GNAQ: variants seen among roughly 807,000 people sequenced by gnomAD.
The protein encoded by GNAQ is guanine nucleotide-binding protein G(q) subunit alpha.
GNAQ carries 8 observed loss-of-function variants against 43.9 expected under a neutral mutation model. The ratio of observed to expected loss-of-function variants is 0.18; its 90% CI spans 0.11 to 0.33. The LOEUF (loss-of-function observed/expected upper bound fraction) is 0.33. Among genes scored for constraint, GNAQ ranks in the 10% least tolerant of loss-of-function variants. The probability of loss-of-function intolerance (pLI) is 1.00; values close to 1 mark genes in which losing one functional copy is unlikely to be tolerated. For synonymous variants in GNAQ, 155 were observed against 170.7 expected (o/e 0.91, Z 0.71); for missense variants, 158 against 450.8 (o/e 0.35, Z 5.88).
intron 2 of GNAQ, among the ~76,000 whole-genome samples, chr9:77,838,440 C>T (rs1197390461): frequency 1.3e-5 from 2 of 152,012 alleles, no homozygotes; most frequent in African/African-American, 4.8e-5. Flanking sequence ...CCACGCCCAG[C>T]CAAGATCCTT....
chr9:77,753,841 A>T (rs900574030), intron 5 of GNAQ, among the ~76,000 whole-genome samples: 1 of 96,516 alleles, frequency 1.0e-5, no homozygotes, highest in African/African-American at 2.6e-5. Flanking sequence ...TACTTGAATT[A>T]ATTAAAAAGC....
At position 77,717,404 on chromosome 9, in the gene GNAQ, A is replaced by G. The variant is rs1825242041; in HGVS notation, c.*3919T>C. The G allele has an allele frequency of 2.2e-5, 5 of 232,420 alleles. No homozygotes were observed. In the East Asian group the frequency reaches 3.1e-4, roughly 14 times the overall value. 14.4% of individuals were successfully genotyped at this position (232,420 alleles called of 1,614,324 possible). A position where few individuals can be genotyped will look rare whatever the true frequency, so the allele number is the denominator to read the frequency against. On this transcript the variant is annotated 3_prime_UTR_variant, in exon 7 of 7. Transcript: ENST00000286548. ...TATTTCATTTCATTCGTTTTGAGAA[A>G]CTGAAAACAAAGGGAAATCAAGGGT...
intron 1 of GNAQ, among the ~76,000 whole-genome samples, chr9:77,929,737 G>A (rs1829122104): frequency 6.6e-6 from 1 of 152,102 alleles, no homozygotes; most frequent in Non-Finnish European, 1.5e-5. Flanking sequence ...GGCTGAGATG[G>A]AAGAATCAAT....
chr9:77,832,825 G>C (rs921922064), intron 2 of GNAQ, among the ~76,000 whole-genome samples: 5 of 152,240 alleles, frequency 3.3e-5, no homozygotes, highest in South Asian at 2.1e-4. Context: ...AAGAGGAGAG[G>C]GGGGAGCTAC....
At chr9:77,827,561 A>AT (rs1827218890) in intron 2 of GNAQ, among the ~76,000 whole-genome samples, 1 of 152,098 alleles carries the variant, frequency 6.6e-6, no homozygotes, top group South Asian at 2.1e-4. Flanking sequence ...CCAGTGTCTG[A>AT]TAACATTCTG....
intron 4 of GNAQ, among the ~76,000 whole-genome samples, chr9:77,796,778 T>TG (rs924087372): frequency 3.3e-5 from 5 of 152,210 alleles, no homozygotes; most frequent in Admixed American, 2.6e-4. Context: ...CCAGAGGACG[T>TG]GGGGAAAACA....
chr9:78,004,638 T>C (rs891702452), intron 1 of GNAQ, among the ~76,000 whole-genome samples: 3 of 152,088 alleles, frequency 2.0e-5, no homozygotes, highest in Non-Finnish European at 2.9e-5. Context: ...ACTTCTCCAC[T>C]TGCATACCAA....
At chr9:77,875,187 C>G (rs1031030545) in intron 2 of GNAQ, among the ~76,000 whole-genome samples, 2 of 152,150 alleles carry the variant, frequency 1.3e-5, no homozygotes, top group Non-Finnish European at 2.9e-5. Context: ...TAAAGATGGT[C>G]GGCTGGTTAC....
intron 2 of GNAQ, among the ~76,000 whole-genome samples, chr9:77,911,009 C>A (rs1167906686): frequency 6.6e-6 from 1 of 152,138 alleles, no homozygotes; most frequent in Non-Finnish European, 1.5e-5. Flanking sequence ...CAGAGTAGAA[C>A]CATATGTCAA....
rs112687696 is a variant in GNAQ, at chr9:78,027,615, G to C, written c.136+3485C>G. Among the ~76,000 whole-genome samples the C allele has an allele frequency of 5.0e-3, 764 of 152,136 alleles. 5 individuals are homozygous for C. Among genetic ancestry groups the C allele is most frequent in the African/African-American group, 0.017 (702 of 41,502 alleles). Reference sequence around the variant, plus strand: ...AATGCAAAAAAAATAGCCGGGCGTGGTGGTGCATGCCTGTAATCCAAGCTA... The same window carrying C: ...AATGCAAAAAAAATAGCCGGGCGTGCTGGTGCATGCCTGTAATCCAAGCTA... On this transcript the variant is annotated intron_variant, in intron 1 of 6. Transcript: ENST00000286548.
chr9:77,845,440 T>C (rs920561819), intron 2 of GNAQ, among the ~76,000 whole-genome samples: 4 of 152,196 alleles, frequency 2.6e-5, no homozygotes, highest in South Asian at 2.1e-4. Context: ...GTAGGTTACA[T>C]TGGTAAATAT....
chr9:77,929,184 C>T lies in GNAQ; in HGVS notation c.137-6839G>A, dbSNP rs2118299498. 2.0e-5 allele frequency among the ~76,000 whole-genome samples: 3 copies of T among 152,228 alleles called. No homozygotes were observed. In the East Asian group the frequency reaches 5.8e-4, roughly 29 times the overall value. ...TTGAGCCAATCTGCTCAACTTATTCCTATTCTTTCCCCTAAGAGTACATGT... is the reference window on the plus strand; with the variant it reads ...TTGAGCCAATCTGCTCAACTTATTCTTATTCTTTCCCCTAAGAGTACATGT... On this transcript the variant is annotated intron_variant, in intron 1 of 6. Coordinates refer to ENST00000286548, the MANE Select transcript of GNAQ (RefSeq NM_002072.5).
intron 2 of GNAQ, among the ~76,000 whole-genome samples, chr9:77,858,747 A>G (rs1489614892): frequency 6.6e-6 from 1 of 151,892 alleles, no homozygotes; most frequent in Non-Finnish European, 1.5e-5. Flanking sequence ...TTCCATGCCC[A>G]GCCCACTACT....
At chr9:77,773,581 T>C (rs550578042) in intron 5 of GNAQ, among the ~76,000 whole-genome samples, 1 of 152,384 alleles carries the variant, frequency 6.6e-6, no homozygotes, top group East Asian at 1.9e-4. Context: ...TATTTCCCTG[T>C]TGTCTCTTCA....
At chr9:77,961,822 G>C (rs1823110331) in intron 1 of GNAQ, among the ~76,000 whole-genome samples, 1 of 152,050 alleles carries the variant, frequency 6.6e-6, no homozygotes, top group Non-Finnish European at 1.5e-5. Flanking sequence ...AAACTATCAG[G>C]CAAATAAAGA....
At chr9:77,814,127 G>C (rs879765374) in intron 3 of GNAQ, among the ~76,000 whole-genome samples, 44 of 152,048 alleles carry the variant, frequency 2.9e-4, no homozygotes, top group Admixed American at 1.7e-3. Context: ...AAGGACAGAG[G>C]GGGCAGGAGT....
chr9:78,025,741 T>C (rs2118616562), intron 1 of GNAQ, among the ~76,000 whole-genome samples: 1 of 152,262 alleles, frequency 6.6e-6, no homozygotes, highest in South Asian at 2.1e-4. Flanking sequence ...ATTTTCCCTC[T>C]ACAACATCCA....
At chr9:77,892,283 T>G (rs1359791967) in intron 2 of GNAQ, among the ~76,000 whole-genome samples, 1 of 152,182 alleles carries the variant, frequency 6.6e-6, no homozygotes. Flanking sequence ...CTCACTCCTC[T>G]GCAGCTCTTC....
At chr9:78,010,812 C>CA (rs1823764677) in intron 1 of GNAQ, among the ~76,000 whole-genome samples, 1 of 152,062 alleles carries the variant, frequency 6.6e-6, no homozygotes, top group Non-Finnish European at 1.5e-5. Context: ...AAAAACAGTA[C>CA]AATGTTGAGG....
Sources: allele counts gnomAD v4.1 joint callset (sites outside exome capture counted in the v4.1 genomes callset), GRCh38; gene constraint gnomAD v4.1.1; transcripts MANE v1.5; gene names NCBI Gene and HGNC (gene_info 2026-07-23, HGNC 2026-07-21).